Variants in MPDZ observed in about 807,000 individuals in gnomAD.
The protein encoded by MPDZ is multiple PDZ domain crumbs cell polarity complex component, also known as multiple PDZ domain protein.
In MPDZ, 234 loss-of-function variants were observed where a neutral mutation model predicts 239.1. That is an observed-to-expected ratio of 0.98 (90% confidence interval 0.88 to 1.09). The LOEUF (loss-of-function observed/expected upper bound fraction) is 1.09. Among genes scored for constraint, MPDZ ranks in the 50% least tolerant of loss-of-function variants. The pLI is 0.00. For synonymous variants in MPDZ, 1,048 were observed against 881.3 expected, an observed-to-expected ratio of 1.19 and a Z score of -3.35; for missense variants, 3,175 against 2,510.0, an observed-to-expected ratio of 1.26 and a Z score of -5.66.
chr9:13,219,957 A>C (rs1042872079), intron 7 of MPDZ, among the ~76,000 whole-genome samples, 189 bp from the exon 8 acceptor site: 1 of 151,970 alleles, frequency 6.6e-6, no homozygotes, highest in African/African-American at 2.4e-5. Flanking sequence ...TGATGCAATA[A>C]ATGAAATTCA....
intron 12 of MPDZ, among the ~76,000 whole-genome samples, chr9:13,203,876 C>T (rs1956689348): frequency 6.6e-6 from 1 of 151,978 alleles, no homozygotes; most frequent in Admixed American, 6.6e-5. Flanking sequence ...CCCATGCCCA[C>T]TTAATATCAC....
intron 3 of MPDZ, among the ~76,000 whole-genome samples, chr9:13,230,718 T>G (rs1018001309): frequency 1.6e-4 from 25 of 152,094 alleles, no homozygotes; most frequent in African/African-American, 6.0e-4. Flanking sequence ...GCTAGGTTAA[T>G]CTATATAAGT....
chr9:13,196,310 G>C lies in MPDZ; in HGVS notation c.1547-80C>G, dbSNP rs185466467. 1,446 of 937,216 alleles carry C rather than the reference G, an allele frequency of 1.5e-3. 5 individuals are homozygous for C. The highest frequency in any genetic ancestry group is 3.9e-3 in the Middle Eastern group (18 of 4,674). The allele number at this position is 937,216 out of a possible 1,614,324, so 58.1% of individuals were successfully genotyped here. On this transcript the variant is annotated intron_variant, in intron 12 of 46. Coordinates refer to ENST00000319217, the MANE Select transcript of MPDZ (RefSeq NM_001378778.1). The stretch of plus-strand genomic sequence containing the variant: ...TAACATCCTGTACCAAGGATTCTCT[G>C]ATCAGAACCCGCTGTATCACGTCAG...
intron 43 of MPDZ, 57 bp downstream of exon 43, chr9:13,111,967 T>C: frequency 6.3e-7 from 1 of 1,584,938 alleles, no homozygotes; most frequent in Non-Finnish European, 8.6e-7. Flanking sequence ...TTCAAAGGTT[T>C]ATAAAAACAC....
chr9:13,216,637 T>A (rs1444746864), intron 10 of MPDZ, 137 bp downstream of exon 10: 3 of 556,008 alleles, frequency 5.4e-6, no homozygotes, highest in Non-Finnish European at 9.3e-6. Flanking sequence ...AAAGGGTAAT[T>A]GTAATAATAG....
At chr9:13,246,228 A>G (rs1359179191) in intron 3 of MPDZ, among the ~76,000 whole-genome samples, 1 of 152,114 alleles carries the variant, frequency 6.6e-6, no homozygotes, top group African/African-American at 2.4e-5. Context: ...CGGATAGATC[A>G]TTTGAGGTCA....
chr9:13,227,315 A>C (rs1960935727), intron 3 of MPDZ, among the ~76,000 whole-genome samples: 1 of 152,170 alleles, frequency 6.6e-6, no homozygotes, highest in Non-Finnish European at 1.5e-5. Context: ...TTATTTTAAA[A>C]TCTATAGCAG....
chr9:13,149,110 G>A (rs538350411), intron 25 of MPDZ, among the ~76,000 whole-genome samples: 22 of 151,754 alleles, frequency 1.4e-4, no homozygotes, highest in African/African-American at 3.9e-4. Flanking sequence ...AAAAGAGTTC[G>A]TTAAAAGGGG....
chr9:13,168,485 A>G lies in MPDZ; in HGVS notation c.3135T>C (p.Asp1045=), dbSNP rs747446439. ...SIIHGGAISR[D]GRIAIGDCIL... ...TGCAGTCCCCAATGGCAATCCGGCCATCTCGACTAATGGCACCTCCATGAA... is the reference window on the plus strand; with the variant it reads ...TGCAGTCCCCAATGGCAATCCGGCCGTCTCGACTAATGGCACCTCCATGAA... Residue 1045 remains aspartate, a synonymous_variant, in exon 22 of 47, where the codon GAT becomes GAC. Coordinates refer to ENST00000319217, the MANE Select transcript of MPDZ (RefSeq NM_001378778.1). 32 of 1,613,432 alleles carry G rather than the reference A, an allele frequency of 2.0e-5. No homozygotes were observed. Among genetic ancestry groups the G allele is most frequent in the Non-Finnish European group, 2.5e-5 (29 of 1,179,614 alleles).
At chr9:13,129,639 A>G (rs1945655932) in intron 32 of MPDZ, among the ~76,000 whole-genome samples, 1 of 152,154 alleles carries the variant, frequency 6.6e-6, no homozygotes. Context: ...GATCTGAGAT[A>G]TTTTGTTTGG....
intron 3 of MPDZ, among the ~76,000 whole-genome samples, chr9:13,233,042 T>A (rs1405490905): frequency 6.6e-6 from 1 of 152,050 alleles, no homozygotes; most frequent in African/African-American, 2.4e-5. Flanking sequence ...TTAAAGTGGG[T>A]AGTACTAAGT....
chr9:13,257,166 C>A lies in MPDZ; in HGVS notation c.-57-6794G>T, dbSNP rs150897978. ...AAAATCTGTTCCAATAGGCTTAGCT[C>A]TCAGAACCATAAGACATACCAATAA... On this transcript the variant is annotated intron_variant, in intron 1 of 46. Coordinates refer to ENST00000319217, the MANE Select transcript of MPDZ (RefSeq NM_001378778.1). Among the ~76,000 whole-genome samples the A allele has an allele frequency of 5.5e-3, 836 of 152,260 alleles. 6 individuals carry two copies. Among genetic ancestry groups the A allele is most frequent in the African/African-American group, 0.018 (750 of 41,546 alleles).
intron 24 of MPDZ, among the ~76,000 whole-genome samples, chr9:13,153,549 T>A (rs548456918): frequency 6.6e-6 from 1 of 152,204 alleles, no homozygotes; most frequent in Admixed American, 6.6e-5. Context: ...CTCAATGTCC[T>A]GGGCTCAGGA....
Position 13,216,811 on chromosome 9 carries a change from T to C in MPDZ, c.1253A>G (p.His418Arg). The change falls in exon 10 of 47, where the codon CAT (histidine) becomes CGT (arginine). Residue 418 changes from histidine (H) to arginine (R), a missense_variant. Physicochemically the swap from His to Arg is conservative, Grantham distance 29. Transcript: ENST00000319217. ...KSITKSSAVE[H>R]DGRIQIGDQI... Reference sequence around the variant, plus strand: ...GTCTCCAATTTGGATTCTTCCATCATGCTCAACGGCACTGCTTTTTGTAAT... The same window carrying C: ...GTCTCCAATTTGGATTCTTCCATCACGCTCAACGGCACTGCTTTTTGTAAT... 1.2e-6 allele frequency: 2 copies of C among 1,610,398 alleles called. No homozygotes were observed. Among genetic ancestry groups the C allele is most frequent in the Non-Finnish European group, 8.5e-7 (1 of 1,178,078 alleles).
intron 35 of MPDZ, among the ~76,000 whole-genome samples, chr9:13,123,958 T>C (rs532563918): frequency 3.9e-5 from 6 of 152,202 alleles, no homozygotes; most frequent in Admixed American, 6.5e-5. Flanking sequence ...TAGATAAGAA[T>C]AGATTATGAG....
intron 34 of MPDZ, among the ~76,000 whole-genome samples, chr9:13,125,870 T>A (rs1015147166): frequency 6.6e-6 from 1 of 152,156 alleles, no homozygotes; most frequent in African/African-American, 2.4e-5. Context: ...ATTTATGGGT[T>A]AAAGGATCTG....
chr9:13,110,161 T>A (rs1942207067), intron 44 of MPDZ, 97 bp from the exon 45 acceptor site: 4 of 796,812 alleles, frequency 5.0e-6, no homozygotes, highest in Non-Finnish European at 8.1e-6. Context: ...AAAATGTATA[T>A]TTTATTGTTC....
chr9:13,109,822 T>G (rs1047987749), intron 45 of MPDZ, 130 bp downstream of exon 45: 2 of 723,096 alleles, frequency 2.8e-6, no homozygotes, highest in Non-Finnish European at 4.7e-6. Flanking sequence ...ATATGTATAA[T>G]TCACACTTCA....
intron 21 of MPDZ, among the ~76,000 whole-genome samples, chr9:13,170,651 C>T (rs1201904213): frequency 1.3e-5 from 2 of 152,162 alleles, no homozygotes; most frequent in African/African-American, 4.8e-5. Flanking sequence ...AACTTACCAT[C>T]TTGTTCTTAT....
Sources: allele counts gnomAD v4.1 joint callset (sites outside exome capture counted in the v4.1 genomes callset), GRCh38; gene constraint gnomAD v4.1.1; transcripts MANE v1.5; gene names NCBI Gene and HGNC (gene_info 2026-07-23, HGNC 2026-07-21).